Variants in AGBL4 observed in about 807,000 individuals in gnomAD.
The protein encoded by AGBL4 is AGBL carboxypeptidase 4.
Under a neutral mutation model 66.4 loss-of-function variants are expected in AGBL4, and 58 were observed. The observed-to-expected ratio is 0.87, with a 90% CI of 0.71 to 1.09. The LOEUF (loss-of-function observed/expected upper bound fraction) is 1.09, where lower values mean the gene tolerates loss of function less well. Ranked by LOEUF, AGBL4 falls within the 50% of genes least tolerant of loss-of-function variation. The pLI is 0.00. For synonymous variants in AGBL4, 234 were observed against 222.9 expected (o/e 1.05, Z -0.44); for missense variants, 579 against 631.0 (o/e 0.92, Z 0.88).
At chr1:48,530,520 G>A (rs117861055), downstream of AGBL4, among the ~76,000 whole-genome samples, 1,050 of 152,204 alleles carry the variant, frequency 6.9e-3, 33 homozygotes, top group East Asian at 0.073. Context: ...TTACCGCCCC[G>A]CCTCCATTTA....
chr1:49,749,134 G>T (rs1391880155), intron 2 of AGBL4, among the ~76,000 whole-genome samples: 2 of 152,110 alleles, frequency 1.3e-5, no homozygotes, highest in Admixed American at 1.3e-4. Flanking sequence ...GGTTTTTATG[G>T]TTTTAGGTCT....
chr1:49,278,049 C>T (rs1374558479), intron 3 of AGBL4, among the ~76,000 whole-genome samples: 2 of 152,128 alleles, frequency 1.3e-5, no homozygotes, highest in African/African-American at 2.4e-5. Flanking sequence ...TTCCATTTTA[C>T]AGAAGAGGAA....
chr1:48,898,265 A>G (rs1287157420), intron 5 of AGBL4, among the ~76,000 whole-genome samples: 1 of 152,132 alleles, frequency 6.6e-6, no homozygotes, highest in Non-Finnish European at 1.5e-5. Context: ...CTCTCCCACT[A>G]TGTTGAGTGT....
chr1:48,785,257 T>C (rs1645382956), intron 6 of AGBL4, among the ~76,000 whole-genome samples: 1 of 152,206 alleles, frequency 6.6e-6, no homozygotes, highest in African/African-American at 2.4e-5. Flanking sequence ...AAAGCTCCAT[T>C]AGAGAAGTGA....
intron 3 of AGBL4, among the ~76,000 whole-genome samples, chr1:49,569,583 CTTAT>C (rs1402288027): frequency 1.3e-5 from 2 of 152,134 alleles, no homozygotes; most frequent in Non-Finnish European, 2.9e-5. Flanking sequence ...TTGCCTTTGA[CTTAT>C]TTATTTTTTT....
intron 4 of AGBL4, among the ~76,000 whole-genome samples, chr1:49,239,365 TA>T (rs1045454448): frequency 3.3e-5 from 5 of 152,050 alleles, no homozygotes; most frequent in African/African-American, 1.2e-4. Flanking sequence ...AAGCTGCTTG[TA>T]AAAAATTATT....
At position 49,969,532 on chromosome 1, in the gene AGBL4, C is replaced by T. The variant is rs144398719; in HGVS notation, c.34+54231G>A. 7.9e-5 allele frequency among the ~76,000 whole-genome samples: 12 copies of T among 152,208 alleles called. No individual in the cohort carries two copies. In the East Asian group the frequency reaches 2.3e-3, roughly 29 times the overall value. On this transcript the variant is annotated intron_variant, in intron 1 of 13. Transcript: ENST00000371839. ...AACTAATACCTCCCCATTTCCCCCA[C>T]CCCACATCCCCTGGTAACCACCACC...
chr1:49,825,017 T>G, intron 2 of AGBL4, among the ~76,000 whole-genome samples: 1 of 151,438 alleles, frequency 6.6e-6, no homozygotes, highest in South Asian at 2.1e-4. Context: ...AGAGCCTCTC[T>G]TATTTGCTCT....
intron 5 of AGBL4, among the ~76,000 whole-genome samples, chr1:49,010,100 C>T (rs1411218814): frequency 2.6e-5 from 4 of 152,176 alleles, no homozygotes; most frequent in African/African-American, 9.7e-5. Context: ...TCCCTCTTTG[C>T]AGACGACATG....
chr1:49,010,647 AAC>A (rs1393827974), intron 5 of AGBL4, among the ~76,000 whole-genome samples: 2 of 141,462 alleles, frequency 1.4e-5, no homozygotes. Context: ...AGGCTACAGT[AAC>A]CAAAACAGCA....
chr1:49,923,240 G>A (rs1330034591), intron 1 of AGBL4, among the ~76,000 whole-genome samples: 2 of 152,132 alleles, frequency 1.3e-5, no homozygotes, highest in Admixed American at 1.3e-4. Flanking sequence ...TCAATAAATG[G>A]TGCCGGGATA....
intron 3 of AGBL4, among the ~76,000 whole-genome samples, chr1:49,445,185 T>A (rs1319365012): frequency 6.6e-6 from 1 of 152,094 alleles, no homozygotes; most frequent in African/African-American, 2.4e-5. Flanking sequence ...AATACATCAT[T>A]ACATTTTCTT....
intron 3 of AGBL4, among the ~76,000 whole-genome samples, chr1:49,575,967 G>C (rs2148876885): frequency 6.6e-6 from 1 of 152,330 alleles, no homozygotes; most frequent in East Asian, 1.9e-4. Flanking sequence ...TGAGCAAGAA[G>C]TAGCAAACAC....
chr1:49,458,699 T>C lies in AGBL4; in HGVS notation c.283-212835A>G, dbSNP rs143776228. Reference sequence around the variant, plus strand: ...ATGCTAGCTGTGTGTTTGTCATGAATGGCTCTTATTACCTTAAGGTATGTC... The same window carrying C: ...ATGCTAGCTGTGTGTTTGTCATGAACGGCTCTTATTACCTTAAGGTATGTC... On this transcript the variant is annotated intron_variant, in intron 3 of 13. Coordinates refer to ENST00000371839, the MANE Select transcript of AGBL4 (RefSeq NM_032785.4). 2.6e-5 allele frequency among the ~76,000 whole-genome samples: 4 copies of C among 151,956 alleles called. No individual in the cohort carries two copies. In the East Asian group the frequency reaches 7.8e-4, roughly 29 times the overall value.
intron 3 of AGBL4, among the ~76,000 whole-genome samples, chr1:49,662,245 T>A (rs972388184): frequency 6.0e-5 from 9 of 151,126 alleles, no homozygotes; most frequent in Non-Finnish European, 1.2e-4. Flanking sequence ...ACATTATATA[T>A]GTGTAATATA....
At chr1:49,425,592 A>C (rs936361287) in intron 3 of AGBL4, among the ~76,000 whole-genome samples, 13 of 152,166 alleles carry the variant, frequency 8.5e-5, no homozygotes, top group African/African-American at 3.1e-4. Context: ...TTTTGTCTTA[A>C]AGCAGCCCAT....
intron 4 of AGBL4, among the ~76,000 whole-genome samples, chr1:49,213,448 A>G (rs1236685067): frequency 6.6e-6 from 1 of 151,946 alleles, no homozygotes; most frequent in African/African-American, 2.4e-5. Flanking sequence ...TCTTCGTGAT[A>G]ATGAGTGTGT....
chr1:49,981,211 C>T (rs1275872119), intron 1 of AGBL4, among the ~76,000 whole-genome samples: 4 of 152,150 alleles, frequency 2.6e-5, no homozygotes. Flanking sequence ...TACACGCTTG[C>T]TTTATAAGTG....
intron 3 of AGBL4, among the ~76,000 whole-genome samples, chr1:49,574,968 C>G (rs1232966581): frequency 1.3e-5 from 2 of 152,034 alleles, no homozygotes; most frequent in Non-Finnish European, 2.9e-5. Flanking sequence ...AGACTTGAGC[C>G]ATTTTACAGA....
Sources: allele counts gnomAD v4.1 joint callset (sites outside exome capture counted in the v4.1 genomes callset), GRCh38; gene constraint gnomAD v4.1.1; transcripts MANE v1.5; gene names NCBI Gene and HGNC (gene_info 2026-07-23, HGNC 2026-07-21).